WDR44: variants seen among roughly 807,000 people sequenced by gnomAD.
WDR44 encodes WD repeat-containing protein 44.
A neutral mutation model predicts 65.7 loss-of-function variants in WDR44; 9 were observed. The observed-to-expected ratio is 0.14, with a 90% confidence interval of 0.08 to 0.24. WDR44 has a LOEUF of 0.24. Ranked by LOEUF, WDR44 falls within the 10% of genes least tolerant of loss-of-function variation. WDR44 has a pLI of 1.00. For synonymous variants in WDR44, 220 were observed against 235.2 expected (o/e 0.94, Z 0.59); for missense variants, 425 against 670.9 (o/e 0.63, Z 4.05).
At chrX:118,440,688 A>G (rs1054817262) in intron 14 of WDR44, among the ~76,000 whole-genome samples, 8 of 111,667 alleles carry the variant, frequency 7.2e-5, no homozygotes, top group Non-Finnish European at 1.5e-4. Flanking sequence ...GGAGATTCAA[A>G]ATGCAGGTTA....
At chrX:118,375,176 G>T (rs1394457686) in intron 1 of WDR44, among the ~76,000 whole-genome samples, 5 of 109,486 alleles carry the variant, frequency 4.6e-5, no homozygotes, top group Non-Finnish European at 7.6e-5. Flanking sequence ...TGGCTTCCTG[G>T]TTTTTTTTTG....
At chrX:118,355,294 A>G (rs2056449488) in intron 1 of WDR44, among the ~76,000 whole-genome samples, 1 of 111,539 alleles carries the variant, frequency 9.0e-6, no homozygotes, top group Non-Finnish European at 1.9e-5. Flanking sequence ...GTCCCTTAAA[A>G]CTGAGAAGGG....
intron 12 of WDR44, among the ~76,000 whole-genome samples, chrX:118,414,564 G>A (rs1324271574): frequency 9.0e-6 from 1 of 111,565 alleles, no homozygotes; most frequent in Non-Finnish European, 1.9e-5. Flanking sequence ...TTTCAGCAGC[G>A]TTTTGTAGTT....
chrX:118,442,689 G>A lies in WDR44; in HGVS notation c.2384+9G>A, dbSNP rs1209896900. On this transcript the variant is annotated intron_variant, in intron 17 of 19. Transcript: ENST00000254029. Reference sequence around the variant, plus strand: ...ATCAAAGCAAGTTTCAGGTAAATTGGCAATGAGATGTTCCCAAAAGAGATC... The same window carrying A: ...ATCAAAGCAAGTTTCAGGTAAATTGACAATGAGATGTTCCCAAAAGAGATC... 8.6e-7 allele frequency: 1 copy of A among 1,167,174 alleles called. No individual in the cohort carries two copies. Among genetic ancestry groups the A allele is most frequent in the Non-Finnish European group, 1.2e-6 (1 of 856,778 alleles).
intron 1 of WDR44, among the ~76,000 whole-genome samples, chrX:118,352,968 A>T (rs977950132): frequency 7.1e-5 from 8 of 111,898 alleles, no homozygotes; most frequent in African/African-American, 2.6e-4. Flanking sequence ...GAGATTAATA[A>T]CCTATAAGAA....
At chrX:118,436,008 T>C (rs2057251367) in intron 13 of WDR44, among the ~76,000 whole-genome samples, 1 of 112,182 alleles carries the variant, frequency 8.9e-6, no homozygotes, top group South Asian at 3.7e-4. Flanking sequence ...ATAGTTCTCC[T>C]CCTTAAATAG....
At chrX:118,379,254 A>G (rs2056692995) in intron 2 of WDR44, among the ~76,000 whole-genome samples, 1 of 111,241 alleles carries the variant, frequency 9.0e-6, no homozygotes, top group African/African-American at 3.3e-5. Context: ...TATATCAGAT[A>G]GAGTATATAT....
At chrX:118,421,791 A>C (rs2057107361) in intron 12 of WDR44, among the ~76,000 whole-genome samples, 1 of 111,639 alleles carries the variant, frequency 9.0e-6, no homozygotes, top group African/African-American at 3.3e-5. Context: ...TAAATGTAAG[A>C]AAGACAGGAA....
intron 19 of WDR44, among the ~76,000 whole-genome samples, chrX:118,446,213 A>C (rs1266120749): frequency 9.1e-6 from 1 of 110,483 alleles, no homozygotes; most frequent in African/African-American, 3.3e-5. Context: ...GAACTCGGGA[A>C]GGTGGAGTTT....
intron 13 of WDR44, among the ~76,000 whole-genome samples, chrX:118,433,802 GTCA>G (rs200705165): frequency 2.4e-3 from 264 of 111,412 alleles, no homozygotes; most frequent in African/African-American, 8.4e-3. Flanking sequence ...AGCAATGATC[GTCA>G]TCATCATCAT....
At chrX:118,384,560 A>G (rs1041274451) in intron 2 of WDR44, among the ~76,000 whole-genome samples, 2 of 111,984 alleles carry the variant, frequency 1.8e-5, no homozygotes, top group Admixed American at 9.5e-5. Context: ...TACCAGTACC[A>G]TGCTGTTTGG....
At chrX:118,377,348 ACT>A (rs753631268) in intron 1 of WDR44, among the ~76,000 whole-genome samples, 73 of 110,403 alleles carry the variant, frequency 6.6e-4, no homozygotes, top group Non-Finnish European at 1.2e-3. Context: ...CAACAGCAAG[ACT>A]CTGTCTTTAA....
intron 1 of WDR44, among the ~76,000 whole-genome samples, chrX:118,375,533 C>A (rs866358613): frequency 0.025 from 2,534 of 100,648 alleles, 33 homozygotes; most frequent in Non-Finnish European, 0.035. Context: ...AAAAAAAAAA[C>A]AAACAGGTTT....
At chrX:118,448,524 C>T (rs1325632092) in intron 19 of WDR44, among the ~76,000 whole-genome samples, 5 of 111,764 alleles carry the variant, frequency 4.5e-5, no homozygotes, top group Non-Finnish European at 9.4e-5. Context: ...CCAGCTGATC[C>T]GATTCTGCCA....
chrX:118,346,807 G>A (rs753425242), intron 1 of WDR44, among the ~76,000 whole-genome samples: 1 of 110,969 alleles, frequency 9.0e-6, no homozygotes, highest in South Asian at 4.0e-4. Flanking sequence ...CCTACTGAAC[G>A]GTCCCAGGGT....
chrX:118,356,885 C>T (rs2056465127), intron 1 of WDR44, among the ~76,000 whole-genome samples: 2 of 100,425 alleles, frequency 2.0e-5, no homozygotes, highest in Non-Finnish European at 4.0e-5. Context: ...TGTTCTGTCA[C>T]CAGGCTGGAG....
intron 1 of WDR44, among the ~76,000 whole-genome samples, chrX:118,370,644 C>T (rs754881513): frequency 1.8e-5 from 2 of 109,167 alleles, no homozygotes; most frequent in African/African-American, 3.3e-5. Context: ...AGTGCAGTGG[C>T]GCAATGTCGG....
At chrX:118,399,778 A>G (rs758320660) in intron 8 of WDR44, among the ~76,000 whole-genome samples, 3 of 111,943 alleles carry the variant, frequency 2.7e-5, no homozygotes, top group African/African-American at 9.7e-5. Flanking sequence ...AGGTAATCAG[A>G]AAAATGATAA....
intron 10 of WDR44, among the ~76,000 whole-genome samples, chrX:118,409,270 C>T (rs960850012): frequency 1.6e-4 from 18 of 110,825 alleles, no homozygotes; most frequent in African/African-American, 5.6e-4. Flanking sequence ...GCTGGGATTA[C>T]AGGCGCCCGC....
Sources: gnomAD v4.1 joint callset for allele counts (sites outside exome capture counted in the v4.1 genomes callset) on GRCh38, gnomAD v4.1.1 for gene constraint, MANE v1.5 for transcripts, NCBI Gene and HGNC (gene_info 2026-07-23, HGNC 2026-07-21) for gene names.